Variants in KIR3DL2 observed in about 807,000 individuals in gnomAD.
KIR3DL2 encodes killer cell immunoglobulin like receptor, three Ig domains and long cytoplasmic tail 2, also known as killer cell immunoglobulin-like receptor 3DL2.
KIR3DL2 carries 42 observed loss-of-function variants against 41.6 expected under a neutral mutation model. The observed-to-expected ratio is 1.01, with a 90% CI of 0.79 to 1.31. KIR3DL2 has a LOEUF of 1.31. KIR3DL2 is among the 50% of genes most tolerant of loss of function. The pLI, the probability that KIR3DL2 is intolerant of heterozygous loss-of-function variation, is 0.00. For missense variants in KIR3DL2, 728 were observed against 576.8 expected (o/e 1.26, Z -2.68); for synonymous variants, 230 against 221.3 (o/e 1.04, Z -0.35).
Position 54,852,026 on chromosome 19 carries a change from C to T in KIR3DL2, c.99C>T (p.Ala33=), listed in dbSNP as rs1438267119. 6.2e-7 allele frequency: 1 copy of T among 1,611,366 alleles called. No individual in the cohort carries two copies. The highest frequency in any genetic ancestry group is 1.1e-5 in the South Asian group (1 of 91,046). ...MGGQDKPFLS[A]RPSTVVPRGG... ...GTCAGGACAAACCCTTCCTGTCTGC[C>T]CGGCCCAGCACTGTGGTGCCTCGAG... is the stretch of plus-strand genomic sequence containing the variant. The change falls in exon 3 of 9, where the codon GCC becomes GCT. Residue 33 remains alanine, a synonymous_variant. Transcript: ENST00000326321.
chr19:54,859,117 A>T lies in KIR3DL2; in HGVS notation c.988A>T (p.Ser330Cys). The change falls in exon 6 of 9, where the codon AGC becomes TGC. Residue 330 changes from serine to cysteine, a missense_variant. Coordinates refer to ENST00000326321, the MANE Select transcript of KIR3DL2 (RefSeq NM_006737.4). The stretch of plus-strand genomic sequence containing the variant: ...TAGTTGGCCTTCACCCACAGAACCA[A>T]GCTCCAAATCTGGTGAGTAAAGGAC... The part of the protein sequence containing the change: ...SSSWPSPTEP[S>C]SKSGICRHLH... 6.2e-7 allele frequency: 1 copy of T among 1,613,518 alleles called. No individual in the cohort carries two copies. The highest frequency in any genetic ancestry group is 8.5e-7 in the Non-Finnish European group (1 of 1,179,606).
intron 8 of KIR3DL2, 37 bp downstream of exon 8, chr19:54,866,459 T>C: frequency 6.8e-6 from 11 of 1,613,984 alleles, no homozygotes; most frequent in Non-Finnish European, 9.3e-6. Flanking sequence ...GGATACAGTC[T>C]TATCCCTAAT....
chr19:54,863,929 T>G (rs963640097), intron 6 of KIR3DL2, among the ~76,000 whole-genome samples: 2 of 152,064 alleles, frequency 1.3e-5, no homozygotes, highest in South Asian at 2.1e-4. Flanking sequence ...GAAGTCCTTG[T>G]CCATGCCTAT....
intron 7 of KIR3DL2, among the ~76,000 whole-genome samples, chr19:54,866,110 C>T (rs2065494526): frequency 6.6e-6 from 1 of 152,078 alleles, no homozygotes; most frequent in South Asian, 2.1e-4. Context: ...TGAACTGTAT[C>T]CTCACATCCC....
At chr19:54,862,992 C>T (rs2065283471) in intron 6 of KIR3DL2, among the ~76,000 whole-genome samples, 2 of 125,466 alleles carry the variant, frequency 1.6e-5, no homozygotes, top group South Asian at 3.1e-4. Context: ...TCTCCTAATG[C>T]TATCCCTCCC....
Position 54,866,577 on chromosome 19 carries a change from T to C in KIR3DL2, c.1214T>C (p.Val405Ala), listed in dbSNP as rs1417118976. ...EVTYAQLDHCVFIQRKISRPS... is the reference protein window; with the variant it reads ...EVTYAQLDHCAFIQRKISRPS... ...ACGTACGCACAGTTGGATCACTGCG[T>C]TTTCATACAGAGAAAAATCAGTCGC... is the stretch of plus-strand genomic sequence containing the variant. The change falls in exon 9 of 9, where the codon GTT becomes GCT. Residue 405 changes from valine (V) to alanine (A), a missense_variant. Val to Ala is a moderately conservative substitution (Grantham distance 64). Transcript: ENST00000326321. 1.2e-6 allele frequency: 2 copies of C among 1,613,894 alleles called. No homozygotes were observed. Among genetic ancestry groups the C allele is most frequent in the South Asian group, 2.2e-5 (2 of 91,078 alleles).
chr19:54,859,798 G>A (rs1337281600), intron 6 of KIR3DL2, among the ~76,000 whole-genome samples: 1 of 152,006 alleles, frequency 6.6e-6, no homozygotes, highest in Non-Finnish European at 1.5e-5. Context: ...CAGCAAGGCT[G>A]CCTTCCCTCT....
chr19:54,852,228 C>A lies in KIR3DL2; in HGVS notation c.301C>A (p.His101Asn), dbSNP rs780087968. 1 of 1,611,330 alleles carries A rather than the reference C, an allele frequency of 6.2e-7. No homozygotes were observed. The highest frequency in any genetic ancestry group is 1.3e-5 in the African/African-American group (1 of 74,390). ...GTYRCRGSRPHSLTGWSAPSN... is the reference protein window; with the variant it reads ...GTYRCRGSRPNSLTGWSAPSN... ...CTACAGATGTCGGGGTTCACGCCCA[C>A]ACTCCCTCACTGGGTGGTCGGCACC... Residue 101 changes from histidine to asparagine, a missense_variant, in exon 3 of 9, where the codon CAC (histidine) becomes AAC (asparagine). By Grantham distance (68) the His-to-Asn change is moderately conservative. Transcript: ENST00000326321.
At chr19:54,858,557 C>T (rs1490074077) in intron 5 of KIR3DL2, among the ~76,000 whole-genome samples, 1 of 151,042 alleles carries the variant, frequency 6.6e-6, no homozygotes, top group Non-Finnish European at 1.5e-5. Flanking sequence ...AGTGAAACCT[C>T]GTCTCTACTA....
intron 6 of KIR3DL2, 48 bp from the exon 7 acceptor site, chr19:54,865,757 G>C (rs200003478): frequency 1.4e-6 from 2 of 1,477,660 alleles, no homozygotes; most frequent in Non-Finnish European, 9.5e-7. Context: ...AATCCATAAA[G>C]AGGAACTGCT....
At chr19:54,863,557 G>C (rs941434609) in intron 6 of KIR3DL2, among the ~76,000 whole-genome samples, 24 of 152,120 alleles carry the variant, frequency 1.6e-4, no homozygotes, top group African/African-American at 5.5e-4. Context: ...TCTAACTGGT[G>C]TGAGATGGTA....
At chr19:54,851,791 C>T (rs778455431) in intron 2 of KIR3DL2, among the ~76,000 whole-genome samples, 28 of 151,888 alleles carry the variant, frequency 1.8e-4, no homozygotes, top group East Asian at 5.8e-4. Flanking sequence ...TAGTAAGAGT[C>T]ACTTATTCAG....
rs369461405 is a variant in KIR3DL2, at chr19:54,851,376, C to T, written c.70+121C>T. On this transcript the variant is annotated intron_variant, in intron 2 of 8. Coordinates refer to ENST00000326321, the MANE Select transcript of KIR3DL2 (RefSeq NM_006737.4). ...TAGGAAGAGGGGACCCTTGGATACT[C>T]GGCCCACATTTCTGACCTCGCCCTC... The T allele has an allele frequency of 4.8e-5, 53 of 1,105,218 alleles. No homozygotes were observed. In the African/African-American group the frequency reaches 7.3e-4, roughly 15 times the overall value. 68.5% of individuals were successfully genotyped at this position (1,105,218 alleles called of 1,614,324 possible).
At chr19:54,857,343 G>A (rs1008974915) in intron 5 of KIR3DL2, among the ~76,000 whole-genome samples, 14 of 151,208 alleles carry the variant, frequency 9.3e-5, no homozygotes, top group African/African-American at 2.4e-5. Flanking sequence ...TGCCTGCCTC[G>A]GTTTCCCAAA....
In KIR3DL2 at chr19:54,852,013, C is replaced by A; in HGVS notation, c.86C>A (p.Pro29His). ...AWPLMGGQDKPFLSARPSTVV... is the reference protein window; with the variant it reads ...AWPLMGGQDKHFLSARPSTVV... ...TCTCCCCCAGGTGGTCAGGACAAAC[C>A]CTTCCTGTCTGCCCGGCCCAGCACT... Residue 29 changes from proline to histidine, a missense_variant, in exon 3 of 9, where the codon CCC (proline) becomes CAC (histidine). Coordinates refer to ENST00000326321, the MANE Select transcript of KIR3DL2 (RefSeq NM_006737.4). 2 of 1,610,504 alleles carry A rather than the reference C, an allele frequency of 1.2e-6. No homozygotes were observed. Among genetic ancestry groups the A allele is most frequent in the Non-Finnish European group, 1.7e-6 (2 of 1,178,146 alleles).
Position 54,866,637 on chromosome 19 carries a change from C to T in KIR3DL2, c.1274C>T (p.Thr425Ile), listed in dbSNP as rs1174460093. ...SQRPKTPLTD[T>I]SVYTELPNAE... Reference sequence around the variant, plus strand: ...AGGCCCAAGACACCCCTAACAGATACCAGCGTGTACACGGAACTTCCAAAT... The same window carrying T: ...AGGCCCAAGACACCCCTAACAGATATCAGCGTGTACACGGAACTTCCAAAT... Residue 425 changes from threonine to isoleucine, a missense_variant, in exon 9 of 9, where the codon ACC becomes ATC. Coordinates refer to ENST00000326321, the MANE Select transcript of KIR3DL2 (RefSeq NM_006737.4). The T allele has an allele frequency of 9.3e-6, 15 of 1,613,994 alleles. No individual in the cohort carries two copies. Among genetic ancestry groups the T allele is most frequent in the South Asian group, 4.4e-5 (4 of 91,078 alleles).
chr19:54,860,941 G>A (rs1241442439), intron 6 of KIR3DL2, among the ~76,000 whole-genome samples: 1 of 137,680 alleles, frequency 7.3e-6, no homozygotes, highest in African/African-American at 2.6e-5. Context: ...GAGCACACTG[G>A]GTACACAGGA....
intron 5 of KIR3DL2, among the ~76,000 whole-genome samples, chr19:54,856,750 T>G (rs2064812071): frequency 1.3e-5 from 2 of 151,830 alleles, no homozygotes; most frequent in Admixed American, 6.5e-5. Flanking sequence ...TGGCCTCTGG[T>G]ATCCACCATT....
chr19:54,855,260 A>G (rs2064651514), intron 4 of KIR3DL2, among the ~76,000 whole-genome samples: 1 of 150,052 alleles, frequency 6.7e-6, no homozygotes, highest in African/African-American at 2.5e-5. Flanking sequence ...TTGTAGATAG[A>G]CACAAAATAG....
Sources: gnomAD v4.1 joint callset for allele counts (sites outside exome capture counted in the v4.1 genomes callset) on GRCh38, gnomAD v4.1.1 for gene constraint, MANE v1.5 for transcripts, NCBI Gene and HGNC (gene_info 2026-07-23, HGNC 2026-07-21) for gene names.